Variants in OCRL observed in about 807,000 individuals in gnomAD.
OCRL encodes the protein inositol polyphosphate 5-phosphatase OCRL.
Under a neutral mutation model 78.9 loss-of-function variants are expected in OCRL, and 8 were observed. The ratio of observed to expected loss-of-function variants is 0.10; its 90% CI spans 0.06 to 0.18. The LOEUF (loss-of-function observed/expected upper bound fraction) is 0.18. Ranked by LOEUF, OCRL falls within the 10% of genes least tolerant of loss-of-function variation. The pLI is 1.00. For missense variants in OCRL, 454 were observed against 696.7 expected (o/e 0.65, Z 3.92); for synonymous variants, 240 against 235.4 (o/e 1.02, Z -0.18).
rs1462375880 is a variant in OCRL, at chrX:129,592,034, T to C, written c.*1764T>C. 8.8e-6 allele frequency: 1 copy of C among 114,043 alleles called. No homozygotes were observed. 9.4% of individuals were successfully genotyped at this position (114,043 alleles called of 1,213,427 possible). A position where few individuals can be genotyped will look rare whatever the true frequency, so the allele number is the denominator to read the frequency against. On this transcript the variant is annotated 3_prime_UTR_variant, in exon 24 of 24. Transcript: ENST00000371113. ...CCTGGGATCTTTGGGTGATCAAGGGTGTGGTTAGTGGAGGCTCTGTGCTGC... is the reference window on the plus strand; with the variant it reads ...CCTGGGATCTTTGGGTGATCAAGGGCGTGGTTAGTGGAGGCTCTGTGCTGC...
intron 14 of OCRL, 21 bp downstream of exon 14, chrX:129,567,384 T>G: frequency 1.9e-6 from 2 of 1,050,098 alleles, no homozygotes; most frequent in South Asian, 3.8e-5. Context: ...AAGAACCTTC[T>G]CACAGAGAAG....
At chrX:129,578,560 C>G (rs1936401757) in intron 18 of OCRL, among the ~76,000 whole-genome samples, 1 of 109,745 alleles carries the variant, frequency 9.1e-6, no homozygotes, top group South Asian at 3.9e-4. Flanking sequence ...AATATCTTTG[C>G]CATTAATATG....
chrX:129,587,085 A>C lies in OCRL; in HGVS notation c.2223A>C (p.Leu741=). 8.3e-7 allele frequency: 1 copy of C among 1,199,135 alleles called. No individual in the cohort carries two copies. The change falls in exon 20 of 24, where the codon CTA becomes CTC. Residue 741 remains leucine (L), a synonymous_variant. Coordinates refer to ENST00000371113, the MANE Select transcript of OCRL (RefSeq NM_000276.4). The stretch of plus-strand genomic sequence containing the variant: ...AGGTTCCCAAGGAGATCTGGCTTCT[A>C]GTAGATCACCTATTCAAATACGCCT... ...PLQVPKEIWL[L]VDHLFKYACH...
chrX:129,540,912 C>T (rs1569456144), intron 2 of OCRL, 89 bp downstream of exon 2: 3 of 750,572 alleles, frequency 4.0e-6, no homozygotes, highest in Admixed American at 4.5e-5. Context: ...TGTCCTCCTA[C>T]TGAAGCCACG....
chrX:129,545,428 A>G (rs141095879), intron 3 of OCRL, among the ~76,000 whole-genome samples: 133 of 112,531 alleles, frequency 1.2e-3, no homozygotes, highest in Middle Eastern at 4.6e-3. Flanking sequence ...TCCACATGCT[A>G]TTTGAAATTA....
At chrX:129,588,506 A>G (rs1045194737) in intron 21 of OCRL, among the ~76,000 whole-genome samples, 5 of 112,024 alleles carry the variant, frequency 4.5e-5, no homozygotes. Flanking sequence ...CATGGGACAT[A>G]GAAGCCACAG....
chrX:129,576,209 A>G (rs779624100), intron 17 of OCRL, 108 bp from the exon 18 acceptor site: 1 of 917,274 alleles, frequency 1.1e-6, no homozygotes, highest in African/African-American at 2.0e-5. Flanking sequence ...CTTCCCCCTC[A>G]TTGCTTAATG....
intron 15 of OCRL, among the ~76,000 whole-genome samples, chrX:129,573,344 G>A (rs769134411): frequency 9.0e-6 from 1 of 111,449 alleles, no homozygotes; most frequent in African/African-American, 3.3e-5. Flanking sequence ...TAAGCCCCAC[G>A]TGCATTAGCT....
chrX:129,585,339 C>A (rs1349149259), intron 19 of OCRL, among the ~76,000 whole-genome samples: 3 of 112,228 alleles, frequency 2.7e-5, no homozygotes, highest in Non-Finnish European at 5.6e-5. Flanking sequence ...TAAGAGCAGT[C>A]CATGTTCTGT....
rs1286541881 is a variant in OCRL, at chrX:129,569,407, C to CTTGT, written c.1602+13_1602+16dup. On this transcript the variant is annotated intron_variant, in intron 15 of 23. Coordinates refer to ENST00000371113, the MANE Select transcript of OCRL (RefSeq NM_000276.4). ...GCCCTCTTCCATATTGGGGTAAACA[C>CTTGT]TTGTTTGTACATTCATTTATTTGTG... The CTTGT allele has an allele frequency of 8.3e-7, 1 of 1,203,365 alleles. No homozygotes were observed. Among genetic ancestry groups the CTTGT allele is most frequent in the Non-Finnish European group, 1.1e-6 (1 of 889,237 alleles).
intron 19 of OCRL, among the ~76,000 whole-genome samples, chrX:129,585,305 C>T (rs1331002821): frequency 8.9e-6 from 1 of 112,302 alleles, no homozygotes; most frequent in Admixed American, 9.4e-5. Flanking sequence ...TTTGAGACAG[C>T]TGTGCTTCCT....
chrX:129,557,194 G>A, intron 4 of OCRL, 131 bp from the exon 5 acceptor site: 1 of 558,149 alleles, frequency 1.8e-6, no homozygotes, highest in Non-Finnish European at 3.0e-6. Flanking sequence ...TTGTATGTGT[G>A]CTTCCTATAT....
At chrX:129,581,831 TTCTCTCTCTCTC>T (rs753415077) in intron 18 of OCRL, among the ~76,000 whole-genome samples, 7 of 65,600 alleles carry the variant, frequency 1.1e-4, no homozygotes, top group African/African-American at 4.1e-4. Context: ...CCCTTTGTCT[TTCTCTCTCTCTC>T]TCTCTCTCTC....
chrX:129,558,914 C>T lies in OCRL; in HGVS notation c.635C>T (p.Pro212Leu). Residue 212 changes from proline (P) to leucine (L), a missense_variant, in exon 8 of 24, where the codon CCA (proline) becomes CTA (leucine). Around this residue, in one of 2 missense-constraint regions of OCRL, gnomAD observed 177 missense variants for 179.6 expected, o/e 0.99. Coordinates refer to ENST00000371113, the MANE Select transcript of OCRL (RefSeq NM_000276.4). ...AACACCATGCGGAAGCTCTTTGTAC[C>T]AAATACCCAATCTGGGCAGCGGGAG... ...VTNTMRKLFV[P>L]NTQSGQREGL... 1 of 1,211,259 alleles carries T rather than the reference C, an allele frequency of 8.3e-7. No individual in the cohort carries two copies. Among genetic ancestry groups the T allele is most frequent in the Non-Finnish European group, 1.1e-6 (1 of 894,896 alleles).
At chrX:129,580,776 T>G (rs766958528) in intron 18 of OCRL, among the ~76,000 whole-genome samples, 2 of 112,873 alleles carry the variant, frequency 1.8e-5, no homozygotes, top group Non-Finnish European at 3.7e-5. Flanking sequence ...CATCCATTTC[T>G]TACTCTGTTA....
chrX:129,553,564 TGAGA>T (rs1935996162), intron 4 of OCRL, among the ~76,000 whole-genome samples: 2 of 112,137 alleles, frequency 1.8e-5, no homozygotes, highest in Admixed American at 9.4e-5. Context: ...GTAAGATTAC[TGAGA>T]GAATCAGAGG....
At chrX:129,552,620 T>G (rs2124396345) in intron 4 of OCRL, among the ~76,000 whole-genome samples, 1 of 112,035 alleles carries the variant, frequency 8.9e-6, no homozygotes, top group African/African-American at 3.2e-5. Flanking sequence ...AGATGGGGTT[T>G]TGCCTTATTG....
At chrX:129,564,039 C>T (rs1936179991) in intron 12 of OCRL, among the ~76,000 whole-genome samples, 1 of 109,247 alleles carries the variant, frequency 9.2e-6, no homozygotes, top group African/African-American at 3.3e-5. Flanking sequence ...AAAAAAACAA[C>T]CCCATCAAAA....
intron 2 of OCRL, 124 bp downstream of exon 2, chrX:129,540,947 G>A: frequency 1.8e-6 from 1 of 569,616 alleles, no homozygotes; most frequent in South Asian, 2.4e-5. Flanking sequence ...AGGTCCAGGT[G>A]TGAAGTGCCA....
Sources: allele counts gnomAD v4.1 joint callset (sites outside exome capture counted in the v4.1 genomes callset), GRCh38; gene constraint gnomAD v4.1.1; regional missense constraint gnomAD v4.1.1; transcripts MANE v1.5; gene names NCBI Gene and HGNC (gene_info 2026-07-23, HGNC 2026-07-21).